ABCC8: variants seen among roughly 807,000 people sequenced by gnomAD.
ABCC8 encodes the protein ATP binding cassette subfamily C member 8.
ABCC8 carries 137 observed loss-of-function variants against 188.0 expected under a neutral mutation model. The observed-to-expected ratio is 0.73, with a 90% CI of 0.63 to 0.84. ABCC8 has a LOEUF of 0.84. ABCC8 is among the 40% of genes least tolerant of loss of function. The pLI is 0.00. For synonymous variants in ABCC8, 797 were observed against 846.5 expected, an observed-to-expected ratio of 0.94 and a Z score of 1.01; for missense variants, 1,750 against 2,072.7, an observed-to-expected ratio of 0.84 and a Z score of 3.02.
intron 12 of ABCC8, chr11:17,430,338 C>CT (rs1240677643): frequency 3.5e-6 from 1 of 284,138 alleles, no homozygotes; most frequent in Non-Finnish European, 6.9e-6. Flanking sequence ...TTGGGGGAAG[C>CT]TGTTTCACTG....
intron 3 of ABCC8, among the ~76,000 whole-genome samples, chr11:17,469,579 C>T (rs1305069322): frequency 1.3e-5 from 2 of 152,050 alleles, no homozygotes. Flanking sequence ...TCTGTCACAT[C>T]AGTTATTGAT....
At chr11:17,396,469 G>A in intron 33 of ABCC8, 1 of 292,986 alleles carries the variant, frequency 3.4e-6, no homozygotes, top group Non-Finnish European at 6.6e-6. Flanking sequence ...AGCAAAGTGA[G>A]ACAGAGACAA....
chr11:17,416,155 C>T (rs1284603153), intron 17 of ABCC8, among the ~76,000 whole-genome samples: 2 of 152,176 alleles, frequency 1.3e-5, no homozygotes, highest in East Asian at 1.9e-4. Context: ...TGTTGGAGAG[C>T]AAAGGCCAGA....
chr11:17,407,211 T>C (rs995275406), intron 24 of ABCC8, 82 bp from the exon 25 acceptor site: 9 of 1,603,226 alleles, frequency 5.6e-6, no homozygotes, highest in Non-Finnish European at 6.8e-6. Flanking sequence ...CCCCACTTAC[T>C]GAGGGGACAA....
In ABCC8 at chr11:17,407,095, C is replaced by T; in HGVS notation, c.2955G>A (p.Leu985=). ...EAAESEEDDN[L]SSMLHQRAEI... is the part of the protein sequence containing the mutation. ...CAGCACGCTGGTGCAGCATGGACGACAGGTTGTCATCCTCCTCGCTCTCAG... is the reference window on the plus strand; with the variant it reads ...CAGCACGCTGGTGCAGCATGGACGATAGGTTGTCATCCTCCTCGCTCTCAG... Residue 985 remains leucine, a synonymous_variant, in exon 25 of 39, where the codon CTG becomes CTA. Coordinates refer to ENST00000389817, the MANE Select transcript of ABCC8 (RefSeq NM_000352.6). 1.2e-6 allele frequency: 2 copies of T among 1,613,660 alleles called. No individual in the cohort carries two copies.
intron 2 of ABCC8, 100 bp from the exon 3 acceptor site, chr11:17,470,322 T>C: frequency 6.3e-7 from 1 of 1,582,198 alleles, no homozygotes; most frequent in South Asian, 1.1e-5. Context: ...TGAACCTTTA[T>C]AGCATCACTT....
intron 16 of ABCC8, among the ~76,000 whole-genome samples, chr11:17,420,078 C>T (rs1354540451): frequency 1.3e-5 from 2 of 152,092 alleles, no homozygotes; most frequent in Admixed American, 6.5e-5. Context: ...TCAGATACCC[C>T]CAACACTCAT....
chr11:17,398,036 C>T lies in ABCC8; in HGVS notation c.3754-239G>A, dbSNP rs532995137. 7.1e-4 allele frequency among the ~76,000 whole-genome samples: 108 copies of T among 151,966 alleles called. 1 individual carries two copies. The highest frequency in any genetic ancestry group is 6.8e-3 in the Middle Eastern group (2 of 294). ...GCCCCTGCACACCCTTTAACATGCA[C>T]GCCTCAGCTGGCCCACAAACACACA... On this transcript the variant is annotated intron_variant, in intron 30 of 38. Transcript: ENST00000389817.
chr11:17,397,332 T>G lies in ABCC8; in HGVS notation c.3868-19A>C, dbSNP rs753709704. 6.2e-7 allele frequency: 1 copy of G among 1,608,048 alleles called. No homozygotes were observed. Among genetic ancestry groups the G allele is most frequent in the South Asian group, 1.1e-5 (1 of 91,084 alleles). On this transcript the variant is annotated intron_variant, in intron 31 of 38. Coordinates refer to ENST00000389817, the MANE Select transcript of ABCC8 (RefSeq NM_000352.6). ...TGGAGACCTGTGGGGAGCAAGCCAG[T>G]GGCGCACACTCCATGGTCGCTTAGT...
intron 28 of ABCC8, 117 bp from the exon 29 acceptor site, chr11:17,402,870 C>T (rs1954317407): frequency 7.7e-7 from 1 of 1,292,204 alleles, no homozygotes; most frequent in African/African-American, 1.5e-5. Context: ...CTCTCTAGGC[C>T]TCAGCTTCTT....
At position 17,463,429 on chromosome 11, in the gene ABCC8, C is replaced by T. The variant is rs776165640; in HGVS notation, c.579+9G>A. ...TCCCACCCCACCCTGGCCCAGGTGG[C>T]CTGCTTACCCTCACCCTGATGACAT... On this transcript the variant is annotated intron_variant, in intron 4 of 38. Transcript: ENST00000389817. 4.6e-5 allele frequency: 73 copies of T among 1,598,934 alleles called. No homozygotes were observed. Among genetic ancestry groups the T allele is most frequent in the Non-Finnish European group, 6.0e-5 (70 of 1,172,912 alleles).
intron 16 of ABCC8, among the ~76,000 whole-genome samples, chr11:17,419,906 C>T (rs1226545121): frequency 6.6e-6 from 1 of 152,140 alleles, no homozygotes; most frequent in Non-Finnish European, 1.5e-5. Flanking sequence ...GCCTCTGTTT[C>T]CTGATCTATA....
At chr11:17,407,323 A>G (rs1954590569) in intron 24 of ABCC8, 31 bp downstream of exon 24, 3 of 1,614,028 alleles carry the variant, frequency 1.9e-6, no homozygotes, top group South Asian at 1.1e-5. Flanking sequence ...ACCTCAGGCC[A>G]TAATTTCACT....
chr11:17,436,012 G>A lies in ABCC8; in HGVS notation c.1631-3768C>T, dbSNP rs79173897. 5.7e-6 allele frequency: 8 copies of A among 1,415,080 alleles called. No individual in the cohort carries two copies. In the South Asian group the frequency reaches 9.2e-5, roughly 16 times the overall value. The allele number at this position is 1,415,080 out of a possible 1,614,324, so 87.7% of individuals were successfully genotyped here. On this transcript the variant is annotated intron_variant, in intron 10 of 38. Transcript: ENST00000389817. ...CATGGGAAGAGACCAACTGTAGATAGTGATGTGGGGAGATATGGGACAGTT... is the reference window on the plus strand; with the variant it reads ...CATGGGAAGAGACCAACTGTAGATAATGATGTGGGGAGATATGGGACAGTT...
intron 10 of ABCC8, among the ~76,000 whole-genome samples, chr11:17,433,964 A>G (rs1263199357): frequency 1.3e-5 from 2 of 152,174 alleles, no homozygotes; most frequent in Non-Finnish European, 1.5e-5. Context: ...CGTAAGTATT[A>G]TTGGTGTTCC....
At chr11:17,419,299 T>C (rs1231855612) in intron 16 of ABCC8, among the ~76,000 whole-genome samples, 1 of 152,200 alleles carries the variant, frequency 6.6e-6, no homozygotes, top group Non-Finnish European at 1.5e-5. Context: ...AGTCTTCCAG[T>C]TCCCCAACCG....
chr11:17,436,112 T>C (rs56155844), intron 10 of ABCC8: 2 of 816,064 alleles, frequency 2.5e-6, no homozygotes, highest in South Asian at 2.7e-5. Flanking sequence ...GCATTTCTGG[T>C]ACAGAGCTGA....
Position 17,445,966 on chromosome 11 carries a change from CTTTTT to C in ABCC8, c.1332+2545_1332+2549del, listed in dbSNP as rs66845960. ...AGGTTTAGTAGACAAAACCTGATTT[CTTTTT>C]TTTTTTTTTTTTTAGACCGAGTCTC... On this transcript the variant is annotated intron_variant, in intron 8 of 38. Transcript: ENST00000389817. Among the ~76,000 whole-genome samples the C allele has an allele frequency of 6.0e-5, 8 of 134,260 alleles. No homozygotes were observed. The East Asian group carries it at 1.6e-3, about 26-fold the overall frequency. 88.1% of individuals were successfully genotyped at this position (134,260 alleles called of 152,430 possible).
intron 3 of ABCC8, among the ~76,000 whole-genome samples, chr11:17,463,973 T>C (rs975959919): frequency 1.3e-5 from 2 of 152,118 alleles, no homozygotes; most frequent in African/African-American, 2.4e-5. Flanking sequence ...CCATAACTTT[T>C]CAAAGAAAGT....
Sources: allele counts gnomAD v4.1 joint callset (sites outside exome capture counted in the v4.1 genomes callset), GRCh38; gene constraint gnomAD v4.1.1; transcripts MANE v1.5; gene names NCBI Gene and HGNC (gene_info 2026-07-23, HGNC 2026-07-21).